The following TTN variants were observed in gnomAD, a reference collection of about 807,000 sequenced individuals.
The protein encoded by TTN is titin.
A neutral mutation model predicts 3,223.0 loss-of-function variants in TTN; 1,525 were observed. The observed-to-expected ratio is 0.47, with a 90% CI of 0.45 to 0.49. The LOEUF (loss-of-function observed/expected upper bound fraction) is 0.49. Among genes scored for constraint, TTN ranks in the 20% least tolerant of loss-of-function variants. TTN has a pLI of 0.00. For missense variants in TTN, 40,786 were observed against 43,424.0 expected (o/e 0.94, Z 5.40); for synonymous variants, 14,094 against 15,161.0 (o/e 0.93, Z 5.17).
At chr2:178,586,928 C>A in intron 307 of TTN, 121 bp from the exon 308 acceptor site, 1 of 1,396,984 alleles carries the variant, frequency 7.2e-7, no homozygotes. Context: ...TAGTTCAGTA[C>A]ATTAAAAGCA....
Position 178,681,078 on chromosome 2 carries a change from C to T in TTN, c.33340+1G>A. ...ACAATCGAGGAAGGAAATCATTATA[C>T]CTTTAGCAGCGGGTTCAGTCACCTG... is the stretch of plus-strand genomic sequence containing the variant. On this transcript the variant is annotated splice_donor_variant, in intron 138 of 362. Transcript: ENST00000589042. LOFTEE classifies it high-confidence loss of function. The T allele has an allele frequency of 2.5e-6, 4 of 1,598,820 alleles. No individual in the cohort carries two copies. Among genetic ancestry groups the T allele is most frequent in the South Asian group, 2.3e-5 (2 of 86,946 alleles).
At position 178,728,874 on chromosome 2, in the gene TTN, G is replaced by C; in HGVS notation, c.19147+17C>G. On this transcript the variant is annotated intron_variant, in intron 65 of 362. Coordinates refer to ENST00000589042, the MANE Select transcript of TTN (RefSeq NM_001267550.2). ...CTGTCGCTATAGACTATCTTTGAAA[G>C]AGAATAGCTTACAAACCTTGTACTA... The C allele has an allele frequency of 1.3e-6, 2 of 1,579,668 alleles. No homozygotes were observed. The highest frequency in any genetic ancestry group is 1.2e-5 in the South Asian group (1 of 85,558).
intron 98 of TTN, among the ~76,000 whole-genome samples, chr2:178,710,426 G>C (rs553756749): frequency 6.6e-6 from 1 of 152,172 alleles, no homozygotes; most frequent in Non-Finnish European, 1.5e-5. Flanking sequence ...CAGCCTGTGC[G>C]ACAGAATGAG....
At chr2:178,545,074 T>C (rs1696416996) in intron 344 of TTN, among the ~76,000 whole-genome samples, 1 of 152,218 alleles carries the variant, frequency 6.6e-6, no homozygotes, top group African/African-American at 2.4e-5. Flanking sequence ...TTGCCATTTT[T>C]CTTTTCAGTT....
rs777314679 is a variant in TTN, at chr2:178,552,533, T to C, written c.90367A>G (p.Lys30123Glu). ...DPVTIGPITV[K>E]ELIITPEVDL... is the part of the protein sequence containing the mutation. ...ACTTCAGGTGTAATAATAAGTTCTT[T>C]CACTGTAATTGGCCCAATAGTGACA... The change falls in exon 335 of 363, where the codon AAA becomes GAA. Residue 30123 changes from lysine to glutamate, a missense_variant. Physicochemically the swap from Lys to Glu is moderately conservative, Grantham distance 56. Coordinates refer to ENST00000589042, the MANE Select transcript of TTN (RefSeq NM_001267550.2). 2 of 1,613,802 alleles carry C rather than the reference T, an allele frequency of 1.2e-6. No homozygotes were observed. Among genetic ancestry groups the C allele is most frequent in the Non-Finnish European group, 1.7e-6 (2 of 1,179,794 alleles).
At position 178,583,664 on chromosome 2, in the gene TTN, C is replaced by T. The variant is rs770780646; in HGVS notation, c.65518G>A (p.Val21840Ile). The change falls in exon 312 of 363, where the codon GTA becomes ATA. Residue 21840 changes from valine (V) to isoleucine (I), a missense_variant. Val to Ile is a conservative substitution (Grantham distance 29, BLOSUM62 3). Transcript: ENST00000589042. ...YQFRAIARTAVNISPPSEPSD... is the reference protein window; with the variant it reads ...YQFRAIARTAINISPPSEPSD... The stretch of plus-strand genomic sequence containing the variant: ...GGTTCAGAAGGTGGGCTAATGTTTA[C>T]CGCGGTCCTGGCAATAGCTCTAAAT... The T allele has an allele frequency of 3.7e-6, 6 of 1,612,108 alleles. No homozygotes were observed. The South Asian group carries it at 4.4e-5, about 12-fold the overall frequency.
At position 178,564,815 on chromosome 2, in the gene TTN, C is replaced by G. The variant is rs577183624; in HGVS notation, c.81317G>C (p.Gly27106Ala). The change falls in exon 326 of 363, where the codon GGC (glycine) becomes GCC (alanine). Residue 27106 changes from glycine (G) to alanine (A), a missense_variant. Transcript: ENST00000589042. Reference sequence around the variant, plus strand: ...CTTTTCTTTCTGTTCAAGATGGTAGCCAATAATTTTGGTGCCTCCATCATT... The same window carrying G: ...CTTTTCTTTCTGTTCAAGATGGTAGGCAATAATTTTGGTGCCTCCATCATT... ...PVNDGGTKII[G>A]YHLEQKEKNS... is the part of the protein sequence containing the mutation. The G allele has an allele frequency of 1.9e-6, 3 of 1,612,914 alleles. No homozygotes were observed. In the South Asian group the frequency reaches 3.3e-5, roughly 18 times the overall value.
chr2:178,567,683 A>G lies in TTN; in HGVS notation c.78449T>C (p.Val26150Ala), dbSNP rs748589083. Residue 26150 changes from valine (V) to alanine (A), a missense_variant, in exon 326 of 363, where the codon GTG becomes GCG. Physicochemically the swap from Val to Ala is moderately conservative, Grantham distance 64. Transcript: ENST00000589042. Reference sequence around the variant, plus strand: ...TCTTTGATCTTCAGTAAGACCTGACACAGTAAATTGAGTTTCAATGACATT... The same window carrying G: ...TCTTTGATCTTCAGTAAGACCTGACGCAGTAAATTGAGTTTCAATGACATT... ...FTNVIETQFT[V>A]SGLTEDQRYE... 3.1e-6 allele frequency: 5 copies of G among 1,612,162 alleles called. No homozygotes were observed. The South Asian group carries it at 3.3e-5, about 11-fold the overall frequency.
intron 218 of TTN, 196 bp downstream of exon 218, chr2:178,644,352 T>A (rs956733261): frequency 4.2e-6 from 2 of 475,296 alleles, no homozygotes; most frequent in African/African-American, 4.1e-5. Context: ...TGTCTATACA[T>A]GTATGAAATG....
chr2:178,719,073 A>G, intron 83 of TTN, 91 bp downstream of exon 83: 1 of 1,528,940 alleles, frequency 6.5e-7, no homozygotes, highest in East Asian at 2.3e-5. Context: ...CTAAACATGA[A>G]GACAAAATAA....
In TTN at chr2:178,711,347, G is replaced by T; in HGVS notation, c.27889C>A (p.Gln9297Lys). 1 of 1,602,330 alleles carries T rather than the reference G, an allele frequency of 6.2e-7. No individual in the cohort carries two copies. The highest frequency in any genetic ancestry group is 1.1e-5 in the South Asian group (1 of 89,046). ...CGAGAAAATGATGGTGGAAGTTTTT[G>T]CTCTGTAGGAACAGAATAAAAGTAA... ...SASTFLTVQEQKLPPSFSRQL... is the reference protein window; with the variant it reads ...SASTFLTVQEKKLPPSFSRQL... Residue 9297 changes from glutamine to lysine, a missense_variant and splice_region_variant, in exon 97 of 363, where the codon CAA (glutamine) becomes AAA (lysine). Transcript: ENST00000589042.
chr2:178,559,209 C>T (rs754120068), intron 326 of TTN, 102 bp downstream of exon 326: 2 of 1,152,782 alleles, frequency 1.7e-6, no homozygotes, highest in Non-Finnish European at 2.4e-6. Context: ...AGGGTGTGAA[C>T]CCAAAAGCAT....
chr2:178,679,787 A>G, intron 140 of TTN, 105 bp from the exon 141 acceptor site: 1 of 1,543,076 alleles, frequency 6.5e-7, no homozygotes, highest in Non-Finnish European at 8.8e-7. Context: ...ATCTGCTTTA[A>G]AGTAAGCAAT....
At chr2:178,652,206 G>A (rs774955772) in intron 203 of TTN, 27 bp from the exon 204 acceptor site, 80 of 1,612,250 alleles carry the variant, frequency 5.0e-5, no homozygotes, top group Non-Finnish European at 6.8e-5. Context: ...TATTTTCATT[G>A]TTAGACAAAG....
intron 219 of TTN, 132 bp downstream of exon 219, chr2:178,642,105 G>T: frequency 3.1e-6 from 2 of 639,474 alleles, no homozygotes; most frequent in Non-Finnish European, 2.4e-6. Flanking sequence ...AATTTTCAAT[G>T]AAACTACAAA....
At chr2:178,702,885 G>C (rs1445573259) in intron 106 of TTN, among the ~76,000 whole-genome samples, 2 of 152,174 alleles carry the variant, frequency 1.3e-5, no homozygotes, top group Admixed American at 6.5e-5. Context: ...ATGTAGCAAA[G>C]TGTAAAGAAA....
chr2:178,770,096 C>T lies in TTN; in HGVS notation c.8605G>A (p.Gly2869Arg), dbSNP rs764173950. 13 of 1,613,984 alleles carry T rather than the reference C, an allele frequency of 8.1e-6. No individual in the cohort carries two copies. Among genetic ancestry groups the T allele is most frequent in the Admixed American group, 3.3e-5 (2 of 59,992 alleles). Residue 2869 changes from glycine (G) to arginine (R), a missense_variant, in exon 36 of 363, where the codon GGG becomes AGG. Physicochemically the swap from Gly to Arg is moderately radical, Grantham distance 125. Transcript: ENST00000589042. The stretch of plus-strand genomic sequence containing the variant: ...AGTTTTGCTTTGCATTCCAATTGCC[C>T]GACCACAGCTGTGTATTCCCCAGCA... ...SDAGEYTAVV[G>R]QLECKAKLFV...
chr2:178,624,595 G>A lies in TTN; in HGVS notation c.44685C>T (p.Ser14895=), dbSNP rs2058754993. 1 of 1,612,616 alleles carries A rather than the reference G, an allele frequency of 6.2e-7. No individual in the cohort carries two copies. The highest frequency in any genetic ancestry group is 8.5e-7 in the Non-Finnish European group (1 of 1,179,140). The part of the protein sequence containing the change: ...WFKNGTEILK[S]KKYEIVADGR... ...CATCAGCAACAATTTCATACTTCTT[G>A]CTTTTGAGGATTTCTGTCCCATTTT... The change falls in exon 242 of 363, where the codon AGC becomes AGT. Residue 14895 remains serine, a synonymous_variant. Coordinates refer to ENST00000589042, the MANE Select transcript of TTN (RefSeq NM_001267550.2).
rs1486145907 is a variant in TTN at position 178,714,441 on chromosome 2, C to G, written c.26333G>C (p.Arg8778Thr). 1 of 1,613,694 alleles carries G rather than the reference C, an allele frequency of 6.2e-7. No individual in the cohort carries two copies. Among genetic ancestry groups the G allele is most frequent in the Non-Finnish European group, 8.5e-7 (1 of 1,179,722 alleles). The change falls in exon 91 of 363, where the codon AGA becomes ACA. Residue 8778 changes from arginine (R) to threonine (T), a missense_variant. Coordinates refer to ENST00000589042, the MANE Select transcript of TTN (RefSeq NM_001267550.2). ...VWFKDKGEIV[R>T]ESDNIWISYS... The stretch of plus-strand genomic sequence containing the variant: ...AGAAATCCATATGTTGTCACTTTCT[C>G]TAACGATTTCTCCCTTATCTTTGAA...
Sources: allele counts gnomAD v4.1 joint callset (sites outside exome capture counted in the v4.1 genomes callset), GRCh38; gene constraint gnomAD v4.1.1; transcripts MANE v1.5; gene names NCBI Gene and HGNC (gene_info 2026-07-23, HGNC 2026-07-21).